Variants in HIVEP1 observed in about 807,000 individuals in gnomAD.
HIVEP1 encodes the protein zinc finger protein 40.
A neutral mutation model predicts 180.0 loss-of-function variants in HIVEP1; 36 were observed. The observed-to-expected ratio is 0.20, with a 90% CI of 0.15 to 0.26. The LOEUF is 0.26. HIVEP1 is among the 10% of genes least tolerant of loss of function. HIVEP1 has a pLI of 1.00. For synonymous variants in HIVEP1, 1,239 were observed against 1,239.0 expected (o/e 1.00, Z 0.00); for missense variants, 3,143 against 3,268.7 (o/e 0.96, Z 0.94).
intron 2 of HIVEP1, among the ~76,000 whole-genome samples, chr6:12,034,060 G>A (rs1769124830): frequency 6.6e-6 from 1 of 152,128 alleles, no homozygotes; most frequent in South Asian, 2.1e-4. Context: ...TCTGGAATGC[G>A]GTCTGACTTA....
the HIVEP1 span, among the ~76,000 whole-genome samples, chr6:12,175,071 G>C: frequency 6.6e-6 from 1 of 152,122 alleles, no homozygotes; most frequent in East Asian, 1.9e-4. Flanking sequence ...ACAAATTTAT[G>C]ACTAAATAGG....
chr6:12,130,413 C>T (rs961708621), intron 5 of HIVEP1, among the ~76,000 whole-genome samples: 2 of 152,136 alleles, frequency 1.3e-5, no homozygotes, highest in Admixed American at 6.5e-5. Context: ...TGGTGCGCGC[C>T]TGTAGTCCCA....
chr6:12,078,719 CAT>C (rs1554139647), intron 2 of HIVEP1, among the ~76,000 whole-genome samples: 6 of 146,358 alleles, frequency 4.1e-5, no homozygotes, highest in African/African-American at 1.5e-4. Flanking sequence ...CACACACACA[CAT>C]ATATATATAC....
chr6:12,026,778 C>T (rs1022707775), intron 2 of HIVEP1, among the ~76,000 whole-genome samples: 1 of 152,070 alleles, frequency 6.6e-6, no homozygotes, highest in African/African-American at 2.4e-5. Flanking sequence ...AATGAGGCAG[C>T]CATTTTTTAT....
intron 2 of HIVEP1, among the ~76,000 whole-genome samples, chr6:12,069,934 C>T (rs1304446859): frequency 1.3e-5 from 2 of 151,452 alleles, no homozygotes; most frequent in Non-Finnish European, 2.9e-5. Context: ...TTATTTTTTA[C>T]TTTTTTAACT....
the HIVEP1 span, among the ~76,000 whole-genome samples, chr6:12,186,520 A>G: frequency 1.4e-5 from 2 of 146,872 alleles, no homozygotes; most frequent in African/African-American, 5.0e-5. Flanking sequence ...ACACAATTCT[A>G]TAATTTCACT....
intron 3 of HIVEP1, among the ~76,000 whole-genome samples, chr6:12,100,659 C>G (rs1221399084): frequency 6.6e-6 from 1 of 152,064 alleles, no homozygotes; most frequent in Non-Finnish European, 1.5e-5. Flanking sequence ...ATTCTGTAAA[C>G]CTAGTGTTTT....
intron 2 of HIVEP1, among the ~76,000 whole-genome samples, chr6:12,060,559 C>CCT (rs72009281): frequency 6.6e-6 from 1 of 151,828 alleles, no homozygotes; most frequent in South Asian, 2.1e-4. Flanking sequence ...TAATGGATGG[C>CCT]CTCTCTCTCT....
chr6:12,058,413 G>C (rs924316059), intron 2 of HIVEP1, among the ~76,000 whole-genome samples: 11 of 152,124 alleles, frequency 7.2e-5, no homozygotes, highest in African/African-American at 2.4e-5. Context: ...AAGTTGGCTG[G>C]CTCTTTTGAA....
Position 12,089,225 on chromosome 6 carries a change from G to C in HIVEP1, c.82G>C (p.Val28Leu). The change falls in exon 3 of 9, where the codon GTT becomes CTT. Residue 28 changes from valine to leucine, a missense_variant. Around this residue, in one of 12 missense-constraint regions of HIVEP1, gnomAD observed 114 missense variants for 134.5 expected, o/e 0.85. Coordinates refer to ENST00000379388, the MANE Select transcript of HIVEP1 (RefSeq NM_002114.4). ...ACAAAAAGAACTTAATGGGGCAGAA[G>C]TTTCAAAAAAAGGTAAATTAAAATC... ...EAQKELNGAE[V>L]SKKEILQAGV... 6.4e-7 allele frequency: 1 copy of C among 1,565,944 alleles called. No homozygotes were observed. The highest frequency in any genetic ancestry group is 8.8e-7 in the Non-Finnish European group (1 of 1,140,890).
intron 3 of HIVEP1, among the ~76,000 whole-genome samples, chr6:12,097,918 T>C (rs1773868804): frequency 6.6e-6 from 1 of 152,198 alleles, no homozygotes; most frequent in African/African-American, 2.4e-5. Context: ...CAGTATTTCC[T>C]AACAGTGTTA....
intron 2 of HIVEP1, among the ~76,000 whole-genome samples, chr6:12,068,847 T>C (rs531884066): frequency 6.6e-6 from 1 of 151,960 alleles, no homozygotes; most frequent in East Asian, 2.0e-4. Context: ...ATACATGAAC[T>C]TAAATCAACT....
intron 7 of HIVEP1, among the ~76,000 whole-genome samples, chr6:12,140,775 G>A (rs1464460241): frequency 1.3e-5 from 2 of 152,186 alleles, no homozygotes; most frequent in Non-Finnish European, 2.9e-5. Context: ...ATCAGTGATT[G>A]AAGATCAAAT....
chr6:12,120,752 T>C lies in HIVEP1; in HGVS notation c.957T>C (p.Asn319=). The C allele has an allele frequency of 6.2e-7, 1 of 1,614,238 alleles. No individual in the cohort carries two copies. The highest frequency in any genetic ancestry group is 8.5e-7 in the Non-Finnish European group (1 of 1,180,044). The change falls in exon 4 of 9, where the codon AAT becomes AAC. Residue 319 remains asparagine (N), a synonymous_variant. Transcript: ENST00000379388. ...GSLTNLQNQE[N]AKLEQVYNIA... is the part of the protein sequence containing the mutation. ...TGACAAATCTGCAAAATCAAGAGAA[T>C]GCCAAACTTGAACAGGTTTATAATA...
chr6:12,168,333 A>AC (rs1760809691), downstream of HIVEP1, among the ~76,000 whole-genome samples: 2 of 38,610 alleles, frequency 5.2e-5, no homozygotes, highest in African/African-American at 2.0e-4. Flanking sequence ...TATATTATAT[A>AC]ATTATATATA....
At chr6:12,147,419 AT>A (rs1759444385) in intron 7 of HIVEP1, among the ~76,000 whole-genome samples, 2 of 152,208 alleles carry the variant, frequency 1.3e-5, no homozygotes, top group South Asian at 4.1e-4. Context: ...AGGACCACAT[AT>A]ATCTGACTTT....
chr6:12,071,030 G>C (rs1476048342), intron 2 of HIVEP1, among the ~76,000 whole-genome samples: 2 of 152,164 alleles, frequency 1.3e-5, no homozygotes, highest in Non-Finnish European at 2.9e-5. Context: ...AGAATCAGTA[G>C]GTCCTGACTT....
the HIVEP1 span, among the ~76,000 whole-genome samples, chr6:12,195,570 C>A: frequency 6.6e-6 from 1 of 152,182 alleles, no homozygotes; most frequent in Non-Finnish European, 1.5e-5. Flanking sequence ...TGGTCCTATA[C>A]ACATTTTACA....
intron 2 of HIVEP1, among the ~76,000 whole-genome samples, chr6:12,078,626 C>CAT (rs1361764965): frequency 1.5e-4 from 15 of 101,990 alleles, no homozygotes; most frequent in Non-Finnish European, 2.3e-4. Flanking sequence ...AAAATACATA[C>CAT]ATATATATAC....
Sources: gnomAD v4.1 joint callset for allele counts (sites outside exome capture counted in the v4.1 genomes callset) on GRCh38, gnomAD v4.1.1 for gene constraint, gnomAD v4.1.1 regional missense constraint, MANE v1.5 for transcripts, NCBI Gene and HGNC (gene_info 2026-07-23, HGNC 2026-07-21) for gene names.